The following SCN7A variants were observed in gnomAD, a reference collection of about 807,000 sequenced individuals.
SCN7A encodes sodium channel protein type 7 subunit alpha.
Under a neutral mutation model 155.2 loss-of-function variants are expected in SCN7A, and 138 were observed. The observed-to-expected ratio is 0.89, with a 90% CI of 0.77 to 1.02. SCN7A has a LOEUF of 1.02. Ranked by LOEUF, SCN7A falls within the 50% of genes least tolerant of loss-of-function variation. The pLI, the probability that SCN7A is intolerant of heterozygous loss-of-function variation, is 0.00. For missense variants in SCN7A, 2,058 were observed against 1,986.6 expected (o/e 1.04, Z -0.68); for synonymous variants, 693 against 649.0 (o/e 1.07, Z -1.03).
chr2:166,418,347 G>A (rs932789378), intron 20 of SCN7A, among the ~76,000 whole-genome samples: 11 of 131,052 alleles, frequency 8.4e-5, no homozygotes, highest in African/African-American at 3.3e-4. Flanking sequence ...GGTCAGGTTG[G>A]TCTTGAACTC....
At chr2:166,474,115 C>T (rs1250360991) in intron 4 of SCN7A, 111 bp downstream of exon 4, 3 of 557,474 alleles carry the variant, frequency 5.4e-6, no homozygotes, top group Non-Finnish European at 9.2e-6. Flanking sequence ...TATGACCCAA[C>T]ATGAGATATA....
At chr2:166,408,013 C>T (rs546345870) in intron 25 of SCN7A, among the ~76,000 whole-genome samples, 67 of 151,992 alleles carry the variant, frequency 4.4e-4, no homozygotes, top group Non-Finnish European at 7.7e-4. Context: ...AGGATGATGG[C>T]TAAATCTGGC....
rs761892973 is a variant in SCN7A at position 166,475,710 on chromosome 2, G to A, written c.235-1366C>T. On this transcript the variant is annotated intron_variant, in intron 3 of 25. Coordinates refer to ENST00000643258, the MANE Select transcript of SCN7A (RefSeq NM_002976.4). ...ATTGTGATGAAATGACTAATTTTAG[G>A]TATAATAATCTCCCAATTTAAGAGC... is the stretch of plus-strand genomic sequence containing the variant. 2.0e-5 allele frequency among the ~76,000 whole-genome samples: 3 copies of A among 151,780 alleles called. No homozygotes were observed. The South Asian group carries it at 6.2e-4, about 31-fold the overall frequency.
At chr2:166,427,118 T>C (rs1701640626) in intron 18 of SCN7A, among the ~76,000 whole-genome samples, 1 of 152,148 alleles carries the variant, frequency 6.6e-6, no homozygotes, top group Non-Finnish European at 1.5e-5. Flanking sequence ...TCTTGATGAA[T>C]TGTAAATATG....
At chr2:166,445,604 T>C (rs193011527) in intron 12 of SCN7A, among the ~76,000 whole-genome samples, 20 of 152,158 alleles carry the variant, frequency 1.3e-4, no homozygotes, top group Admixed American at 1.3e-3. Flanking sequence ...TCTCTCTTTT[T>C]TGTCTGTTAA....
chr2:166,416,994 T>A lies in SCN7A; in HGVS notation c.3136-9A>T. On this transcript the variant is annotated splice_polypyrimidine_tract_variant and intron_variant, in intron 20 of 25. Coordinates refer to ENST00000643258, the MANE Select transcript of SCN7A (RefSeq NM_002976.4). ...AAAGCTCTCACAACCACCTGGTATA[T>A]ATAAAAAATGTAAACTTTAGATAGG... 1 of 1,548,700 alleles carries A rather than the reference T, an allele frequency of 6.5e-7. No homozygotes were observed. Among genetic ancestry groups the A allele is most frequent in the Admixed American group, 2.1e-5 (1 of 47,734 alleles).
At chr2:166,408,736 TTATC>T (rs1215767167) in intron 25 of SCN7A, among the ~76,000 whole-genome samples, 3 of 152,000 alleles carry the variant, frequency 2.0e-5, no homozygotes, top group African/African-American at 4.8e-5. Context: ...GGCAAACAGT[TTATC>T]TATATTTTCT....
Position 166,427,853 on chromosome 2 carries a change from T to A in SCN7A, c.2788A>T (p.Ile930Phe). The A allele has an allele frequency of 6.2e-7, 1 of 1,612,602 alleles. No homozygotes were observed. Among genetic ancestry groups the A allele is most frequent in the Non-Finnish European group, 8.5e-7 (1 of 1,179,208 alleles). The change falls in exon 18 of 26, where the codon ATT (isoleucine) becomes TTT (phenylalanine). Residue 930 changes from isoleucine to phenylalanine, a missense_variant. Physicochemically the swap from Ile to Phe is conservative, Grantham distance 21. Coordinates refer to ENST00000643258, the MANE Select transcript of SCN7A (RefSeq NM_002976.4). ...WQNIRKTCCK[I>F]VENNWFKCFI... ...CACTTAAACCAATTGTTCTCTACAATCTTGCAGCAGGTTTTCCTGATGTTC... is the reference window on the plus strand; with the variant it reads ...CACTTAAACCAATTGTTCTCTACAAACTTGCAGCAGGTTTTCCTGATGTTC...
In SCN7A at chr2:166,441,760, A is replaced by G; in HGVS notation, c.1801-8T>C. The G allele has an allele frequency of 6.3e-7, 1 of 1,577,920 alleles. No individual in the cohort carries two copies. The highest frequency in any genetic ancestry group is 8.6e-7 in the Non-Finnish European group (1 of 1,162,938). On this transcript the variant is annotated splice_region_variant and splice_polypyrimidine_tract_variant and intron_variant, in intron 14 of 25. Transcript: ENST00000643258. Reference sequence around the variant, plus strand: ...CAACTTGAAAATTCTTAACTAATAGAGCAATGTAAAATCAAGAACAAGAAA... The same window carrying G: ...CAACTTGAAAATTCTTAACTAATAGGGCAATGTAAAATCAAGAACAAGAAA...
intron 2 of SCN7A, among the ~76,000 whole-genome samples, chr2:166,484,908 A>G (rs761494786): frequency 6.6e-6 from 1 of 152,074 alleles, no homozygotes; most frequent in Non-Finnish European, 1.5e-5. Context: ...TATGTTTAAG[A>G]AGGAATGAAG....
intron 2 of SCN7A, among the ~76,000 whole-genome samples, chr2:166,478,327 GA>G (rs924006728): frequency 2.5e-4 from 37 of 148,720 alleles, no homozygotes; most frequent in African/African-American, 6.9e-4. Context: ...TATATAAAAA[GA>G]AAAAAAAATT....
At chr2:166,475,154 A>C (rs1043521929) in intron 3 of SCN7A, among the ~76,000 whole-genome samples, 4 of 140,390 alleles carry the variant, frequency 2.8e-5, no homozygotes, top group Admixed American at 7.3e-5. Context: ...ACACACATTC[A>C]GTGAAAGTGT....
chr2:166,456,837 T>C (rs1223723635), intron 11 of SCN7A, 33 bp downstream of exon 11: 3 of 980,802 alleles, frequency 3.1e-6, no homozygotes, highest in Admixed American at 2.2e-5. Context: ...TATAGATAGA[T>C]AGATAGATAG....
At chr2:166,474,193 G>T in intron 4 of SCN7A, 33 bp downstream of exon 4, 2 of 1,040,944 alleles carry the variant, frequency 1.9e-6, no homozygotes, top group Non-Finnish European at 1.4e-6. Flanking sequence ...TGTCAGCACA[G>T]TTTAAAGTCA....
At position 166,470,661 on chromosome 2, in the gene SCN7A, T is replaced by C. The variant is rs1702633900; in HGVS notation, c.618A>G (p.Gln206=). ...TTAAAATTCTCAAAGTTCTTGCAGT[T>C]TGAAGCGTTGGAATGAAGTCCAGAG... ...YSPLDFIPTL[Q]TARTLRILKI... The change falls in exon 7 of 26, where the codon CAA becomes CAG. Residue 206 remains glutamine, a synonymous_variant. Transcript: ENST00000643258. 6.2e-7 allele frequency: 1 copy of C among 1,609,274 alleles called. No homozygotes were observed. The highest frequency in any genetic ancestry group is 1.3e-5 in the African/African-American group (1 of 74,826).
intron 1 of SCN7A, among the ~76,000 whole-genome samples, chr2:166,492,778 C>G (rs1683141684): frequency 6.6e-6 from 1 of 152,176 alleles, no homozygotes; most frequent in South Asian, 2.1e-4. Context: ...CTTATGTAAT[C>G]AACAGTTACA....
chr2:166,481,204 G>A (rs2105522778), intron 2 of SCN7A, among the ~76,000 whole-genome samples: 1 of 152,190 alleles, frequency 6.6e-6, no homozygotes, highest in South Asian at 2.1e-4. Flanking sequence ...TGTGACTAAT[G>A]TTCTAAGAAA....
chr2:166,463,394 G>A (rs1457012605), intron 9 of SCN7A, among the ~76,000 whole-genome samples: 1 of 152,146 alleles, frequency 6.6e-6, no homozygotes, highest in Non-Finnish European at 1.5e-5. Context: ...AATGGAACAA[G>A]GAGAGATTTA....
At chr2:166,461,143 C>G (rs1348768220) in intron 10 of SCN7A, among the ~76,000 whole-genome samples, 1 of 128,806 alleles carries the variant, frequency 7.8e-6, no homozygotes, top group Non-Finnish European at 1.6e-5. Context: ...TATTATGAAA[C>G]TTTGTCTGTG....
Sources: gnomAD v4.1 joint callset for allele counts (sites outside exome capture counted in the v4.1 genomes callset) on GRCh38, gnomAD v4.1.1 for gene constraint, MANE v1.5 for transcripts, NCBI Gene and HGNC (gene_info 2026-07-23, HGNC 2026-07-21) for gene names.